Variants in MFHAS1 observed in about 807,000 individuals in gnomAD.
The protein encoded by MFHAS1 is multifunctional ROCO family signaling regulator 1, also known as malignant fibrous histiocytoma-amplified sequence 1.
Under a neutral mutation model 70.4 loss-of-function variants are expected in MFHAS1, and 50 were observed. The observed-to-expected ratio is 0.71, with a 90% CI of 0.57 to 0.90. The LOEUF (loss-of-function observed/expected upper bound fraction) is 0.90, where lower values mean the gene tolerates loss of function less well. Among genes scored for constraint, MFHAS1 ranks in the 40% least tolerant of loss-of-function variants. The pLI, the probability that MFHAS1 is intolerant of heterozygous loss-of-function variation, is 0.00. For missense variants in MFHAS1, 1,795 were observed against 1,347.6 expected, an observed-to-expected ratio of 1.33 and a Z score of -5.20; for synonymous variants, 952 against 620.0, an observed-to-expected ratio of 1.54 and a Z score of -7.96.
intron 1 of MFHAS1, among the ~76,000 whole-genome samples, chr8:8,862,958 T>TG (rs1808722644): frequency 6.6e-6 from 1 of 152,244 alleles, no homozygotes; most frequent in South Asian, 2.1e-4. Flanking sequence ...TATGCTTCCT[T>TG]GGTAAGACTG....
chr8:8,840,013 C>T (rs1047864108), intron 1 of MFHAS1, among the ~76,000 whole-genome samples: 5 of 152,160 alleles, frequency 3.3e-5, no homozygotes, highest in African/African-American at 9.7e-5. Context: ...AATGGATATA[C>T]ATATACGTAT....
intron 1 of MFHAS1, among the ~76,000 whole-genome samples, chr8:8,843,735 G>A (rs570826294): frequency 3.1e-4 from 47 of 152,226 alleles, no homozygotes; most frequent in African/African-American, 5.1e-4. Context: ...CTCCCCACAC[G>A]TCACCCTGCA....
At position 8,842,192 on chromosome 8, in the gene MFHAS1, CT is replaced by C. The variant is rs370357508; in HGVS notation, c.2999-44702del. Among the ~76,000 whole-genome samples, 1,029 of 147,038 alleles carry C rather than the reference CT, an allele frequency of 7.0e-3. 13 individuals are homozygous for C. The highest frequency in any genetic ancestry group is 0.024 in the African/African-American group (951 of 40,358). ...AACTTCACAGGTCTGATTTTCTTTT[CT>C]TTTTTTTTTTGAAACGGAATTTCGC... On this transcript the variant is annotated intron_variant, in intron 1 of 2. Transcript: ENST00000276282.
chr8:8,875,890 A>C (rs1251663807), intron 1 of MFHAS1, among the ~76,000 whole-genome samples: 1 of 152,136 alleles, frequency 6.6e-6, no homozygotes, highest in Non-Finnish European at 1.5e-5. Context: ...CCCGGCCTAT[A>C]AGTTTTTATA....
intron 1 of MFHAS1, among the ~76,000 whole-genome samples, chr8:8,807,316 A>T (rs1806330951): frequency 6.6e-6 from 1 of 152,070 alleles, no homozygotes; most frequent in Non-Finnish European, 1.5e-5. Context: ...TTTTCCCGAG[A>T]TAATGTCTGC....
rs377754617 is a variant in MFHAS1 at position 8,786,262 on chromosome 8, C to T, written c.3126-207G>A. On this transcript the variant is annotated intron_variant, in intron 2 of 2. Transcript: ENST00000276282. ...TCATTTTAGCAGTCTATTTGCCAAA[C>T]ATTTCTGTTGGTGTGTTAAGCTCAG... 3.3e-5 allele frequency among the ~76,000 whole-genome samples: 5 copies of T among 152,182 alleles called. No homozygotes were observed. The East Asian group carries it at 7.7e-4, about 23-fold the overall frequency.
At chr8:8,799,237 G>C (rs900187897) in intron 1 of MFHAS1, among the ~76,000 whole-genome samples, 8 of 152,100 alleles carry the variant, frequency 5.3e-5, no homozygotes. Context: ...TTATAAATTA[G>C]GCACAGTAAG....
At chr8:8,842,847 G>C (rs951118170) in intron 1 of MFHAS1, among the ~76,000 whole-genome samples, 1 of 152,212 alleles carries the variant, frequency 6.6e-6, no homozygotes, top group African/African-American at 2.4e-5. Flanking sequence ...GACACAGGAC[G>C]GATGCTCATA....
intron 1 of MFHAS1, among the ~76,000 whole-genome samples, chr8:8,808,084 C>G (rs917372822): frequency 6.6e-6 from 1 of 152,212 alleles, no homozygotes; most frequent in Admixed American, 6.5e-5. Flanking sequence ...CCCCCCAGCA[C>G]CATGAAATCT....
intron 1 of MFHAS1, among the ~76,000 whole-genome samples, chr8:8,883,751 G>C (rs990886292): frequency 2.1e-5 from 3 of 141,742 alleles, no homozygotes; most frequent in Non-Finnish European, 4.6e-5. Flanking sequence ...CCCATGGATA[G>C]AAGCAAGTTA....
intron 1 of MFHAS1, 110 bp downstream of exon 1, chr8:8,889,951 C>T: frequency 1.1e-6 from 1 of 910,424 alleles, no homozygotes; most frequent in South Asian, 1.8e-5. Context: ...ACGAAGCTTT[C>T]CTGGAGAACC....
At chr8:8,850,395 T>C (rs1383067991) in intron 1 of MFHAS1, among the ~76,000 whole-genome samples, 1 of 152,202 alleles carries the variant, frequency 6.6e-6, no homozygotes, top group Non-Finnish European at 1.5e-5. Flanking sequence ...AGATAGACTG[T>C]GGTGCTAATA....
At chr8:8,856,618 T>A (rs376079784) in intron 1 of MFHAS1, among the ~76,000 whole-genome samples, 1 of 152,222 alleles carries the variant, frequency 6.6e-6, no homozygotes, top group African/African-American at 2.4e-5. Context: ...AGTATTTTAC[T>A]TGCAAGGTCC....
intron 1 of MFHAS1, among the ~76,000 whole-genome samples, chr8:8,854,019 G>T: frequency 6.6e-6 from 1 of 152,282 alleles, no homozygotes; most frequent in South Asian, 2.1e-4. Flanking sequence ...TCTTAGTTGT[G>T]TTCACATTAT....
At chr8:8,843,524 C>T (rs1414343278) in intron 1 of MFHAS1, among the ~76,000 whole-genome samples, 2 of 152,114 alleles carry the variant, frequency 1.3e-5, no homozygotes, top group Non-Finnish European at 2.9e-5. Flanking sequence ...AAGGCCGTAG[C>T]GAGTGGTGAT....
rs1810080255 is a variant in MFHAS1, at chr8:8,892,112, G to A, written c.947C>T (p.Ser316Leu). ...NQLTSVPSLI[S>L]GLGRLLTLWL... The stretch of plus-strand genomic sequence containing the variant: ...CAAGGTGAGAAGCCGGCCCAGGCCC[G>A]AGATAAGGGATGGCACCGAGGTGAG... The change falls in exon 1 of 3, where the codon TCG (serine) becomes TTG (leucine). Residue 316 changes from serine (S) to leucine (L), a missense_variant. Transcript: ENST00000276282. The surrounding 1 kb of genome is among the most constrained non-coding windows in gnomAD (Gnocchi z 4.7). 1 of 1,612,954 alleles carries A rather than the reference G, an allele frequency of 6.2e-7. No homozygotes were observed. Among genetic ancestry groups the A allele is most frequent in the Non-Finnish European group, 8.5e-7 (1 of 1,180,018 alleles).
Position 8,818,872 on chromosome 8 carries a change from A to G in MFHAS1, c.2999-21381T>C, listed in dbSNP as rs143342312. On this transcript the variant is annotated intron_variant, in intron 1 of 2. Coordinates refer to ENST00000276282, the MANE Select transcript of MFHAS1 (RefSeq NM_004225.3). ...CAATGCAGACCTTGTTCTATAAAGA[A>G]TATCTAGCACTTTCACATGTTTCTG... Among the ~76,000 whole-genome samples the G allele has an allele frequency of 5.9e-3, 902 of 152,346 alleles. 7 individuals are homozygous for G. Among genetic ancestry groups the G allele is most frequent in the African/African-American group, 0.02 (841 of 41,564 alleles).
At chr8:8,790,940 A>G (rs1360524429) in intron 2 of MFHAS1, among the ~76,000 whole-genome samples, 1 of 152,220 alleles carries the variant, frequency 6.6e-6, no homozygotes, top group Non-Finnish European at 1.5e-5. Flanking sequence ...ACAAACAGCT[A>G]GCAAGTAACT....
At chr8:8,835,388 T>A (rs1414176026) in intron 1 of MFHAS1, among the ~76,000 whole-genome samples, 1 of 152,300 alleles carries the variant, frequency 6.6e-6, no homozygotes, top group South Asian at 2.1e-4. Context: ...AGCATCTTTC[T>A]AGATGGTGGG....
Sources: allele counts gnomAD v4.1 joint callset (sites outside exome capture counted in the v4.1 genomes callset), GRCh38; gene constraint gnomAD v4.1.1; non-coding constraint Gnocchi (gnomAD v3.1); transcripts MANE v1.5; gene names NCBI Gene and HGNC (gene_info 2026-07-23, HGNC 2026-07-21).